Variants in OTUD7A observed in about 807,000 individuals in gnomAD.
OTUD7A encodes OTU domain-containing protein 7A.
In OTUD7A, 12 loss-of-function variants were observed where a neutral mutation model predicts 65.7. That is an observed-to-expected ratio of 0.18 (90% CI 0.12 to 0.30). The LOEUF (loss-of-function observed/expected upper bound fraction) is 0.30. Among genes scored for constraint, OTUD7A ranks in the 10% least tolerant of loss-of-function variants. The pLI is 1.00. For synonymous variants in OTUD7A, 641 were observed against 586.3 expected, an observed-to-expected ratio of 1.09 and a Z score of -1.35; for missense variants, 1,148 against 1,304.8, an observed-to-expected ratio of 0.88 and a Z score of 1.85.
chr15:31,765,435 A>C (rs567774068), intron 1 of OTUD7A, among the ~76,000 whole-genome samples: 2 of 152,328 alleles, frequency 1.3e-5, no homozygotes, highest in South Asian at 4.1e-4. Context: ...TAAAAAACAG[A>C]ATTACAGTTT....
intron 3 of OTUD7A, among the ~76,000 whole-genome samples, chr15:31,586,803 C>T (rs1889553667): frequency 6.6e-6 from 1 of 152,116 alleles, no homozygotes; most frequent in Non-Finnish European, 1.5e-5. Flanking sequence ...TTCTTGGCAT[C>T]TGGGATGCCA....
chr15:31,672,874 T>A (rs925744170), intron 1 of OTUD7A, among the ~76,000 whole-genome samples: 17 of 152,190 alleles, frequency 1.1e-4, no homozygotes, highest in African/African-American at 4.1e-4. Flanking sequence ...GGAATAGCAG[T>A]AAGTGTAGGA....
intron 1 of OTUD7A, among the ~76,000 whole-genome samples, chr15:31,684,278 A>G (rs146788464): frequency 2.8e-4 from 43 of 152,240 alleles, no homozygotes; most frequent in African/African-American, 9.4e-4. Context: ...AAGCAGGAGA[A>G]AGGAGATGGG....
intron 3 of OTUD7A, among the ~76,000 whole-genome samples, chr15:31,615,872 T>C (rs968884465): frequency 1.3e-5 from 2 of 152,196 alleles, no homozygotes; most frequent in African/African-American, 2.4e-5. Context: ...CTTGGCAGAA[T>C]GCCTTGGGAT....
At chr15:31,615,603 T>C (rs1192767747) in intron 3 of OTUD7A, among the ~76,000 whole-genome samples, 1 of 152,224 alleles carries the variant, frequency 6.6e-6, no homozygotes, top group African/African-American at 2.4e-5. Context: ...CCAATTAACA[T>C]ATACAGATCA....
chr15:31,808,136 C>CACAAA (rs772574742), intron 1 of OTUD7A, among the ~76,000 whole-genome samples: 27 of 119,508 alleles, frequency 2.3e-4, no homozygotes, highest in African/African-American at 7.0e-4. Flanking sequence ...CACACACACA[C>CACAAA]AAACAAATCC....
chr15:31,587,072 A>T (rs1242324909), intron 3 of OTUD7A, among the ~76,000 whole-genome samples: 1 of 152,184 alleles, frequency 6.6e-6, no homozygotes, highest in Non-Finnish European at 1.5e-5. Context: ...ATCTAAGAGC[A>T]TCCCAAGCCT....
At chr15:31,862,434 C>T (rs1897766480) in intron 1 of OTUD7A, among the ~76,000 whole-genome samples, 1 of 152,132 alleles carries the variant, frequency 6.6e-6, no homozygotes, top group African/African-American at 2.4e-5. Flanking sequence ...TAAAGACATA[C>T]CCGAAACTGG....
intron 1 of OTUD7A, among the ~76,000 whole-genome samples, chr15:31,782,980 G>C (rs4482246): frequency 0.023 from 3,520 of 152,274 alleles, 160 homozygotes; most frequent in African/African-American, 0.08. Context: ...CGTGGAACTT[G>C]AGACCACCCA....
chr15:31,777,392 C>T (rs924350802), intron 1 of OTUD7A, among the ~76,000 whole-genome samples: 2 of 152,192 alleles, frequency 1.3e-5, no homozygotes, highest in African/African-American at 4.8e-5. Context: ...CAAGGTTATC[C>T]AAATGGTCAA....
chr15:31,637,810 G>C (rs145004989), intron 3 of OTUD7A, among the ~76,000 whole-genome samples: 75 of 152,306 alleles, frequency 4.9e-4, no homozygotes, highest in African/African-American at 1.7e-3. Context: ...TGGTGGAAGA[G>C]AACTGGAATT....
intron 1 of OTUD7A, among the ~76,000 whole-genome samples, chr15:31,817,804 T>G (rs912161280): frequency 6.6e-6 from 1 of 152,212 alleles, no homozygotes; most frequent in East Asian, 1.9e-4. Context: ...CCCACCTGCC[T>G]TTCTCCAAGT....
intron 1 of OTUD7A, among the ~76,000 whole-genome samples, chr15:31,734,418 T>C: frequency 6.6e-6 from 1 of 152,156 alleles, no homozygotes; most frequent in Non-Finnish European, 1.5e-5. Context: ...AAATTTCATA[T>C]GGAACCAAAA....
At chr15:31,642,796 T>C (rs548952631) in intron 3 of OTUD7A, among the ~76,000 whole-genome samples, 2 of 152,250 alleles carry the variant, frequency 1.3e-5, no homozygotes, top group East Asian at 3.9e-4. Flanking sequence ...TATGTGGCTA[T>C]GGGTTTATCA....
At chr15:31,549,607 G>C (rs1197154654) in intron 5 of OTUD7A, among the ~76,000 whole-genome samples, 1 of 152,180 alleles carries the variant, frequency 6.6e-6, no homozygotes, top group African/African-American at 2.4e-5. Context: ...ACCAAAAGAG[G>C]GTTTAGTGGT....
chr15:31,530,684 T>C (rs774083824), intron 6 of OTUD7A, 23 bp downstream of exon 6: 1 of 1,607,346 alleles, frequency 6.2e-7, no homozygotes, highest in Non-Finnish European at 8.5e-7. Flanking sequence ...CTGGCCACCC[T>C]CTGTCTGTGC....
At chr15:31,794,135 C>T (rs1432248528) in intron 1 of OTUD7A, among the ~76,000 whole-genome samples, 1 of 152,134 alleles carries the variant, frequency 6.6e-6, no homozygotes, top group Admixed American at 6.5e-5. Flanking sequence ...TCATTTTTCT[C>T]TATATGGAAA....
chr15:31,584,306 C>T (rs1386668998), intron 3 of OTUD7A, among the ~76,000 whole-genome samples: 2 of 152,208 alleles, frequency 1.3e-5, no homozygotes, highest in Admixed American at 6.5e-5. Context: ...CCTTGCTAGA[C>T]CTCCTAAGAA....
At chr15:31,868,808 A>C (rs1332185497) in intron 1 of OTUD7A, among the ~76,000 whole-genome samples, 1 of 152,148 alleles carries the variant, frequency 6.6e-6, no homozygotes, top group East Asian at 1.9e-4. Flanking sequence ...ATTTCCACCC[A>C]TTATCAGCCT....
Sources: allele counts gnomAD v4.1 joint callset (sites outside exome capture counted in the v4.1 genomes callset), GRCh38; gene constraint gnomAD v4.1.1; transcripts MANE v1.5; gene names NCBI Gene and HGNC (gene_info 2026-07-23, HGNC 2026-07-21).